The following FHIT variants were observed in gnomAD, a reference collection of about 807,000 sequenced individuals.
FHIT encodes bis(5'-adenosyl)-triphosphatase.
In FHIT, 19 loss-of-function variants were observed where a neutral mutation model predicts 17.9. The ratio of observed to expected loss-of-function variants is 1.06; its 90% CI spans 0.74 to 1.56. The LOEUF (loss-of-function observed/expected upper bound fraction) is 1.56, where lower values mean the gene tolerates loss of function less well. Among genes scored for constraint, FHIT ranks in the 40% most tolerant of loss-of-function variants. FHIT has a pLI of 0.00. For synonymous variants in FHIT, 81 were observed against 69.7 expected (o/e 1.16, Z -0.81); for missense variants, 248 against 189.2 (o/e 1.31, Z -1.82).
chr3:60,091,759 C>G (rs77992448), intron 5 of FHIT, among the ~76,000 whole-genome samples: 1 of 152,066 alleles, frequency 6.6e-6, no homozygotes, highest in East Asian at 1.9e-4. Context: ...TCCCACCTTG[C>G]CTTTCTTCTC....
intron 5 of FHIT, among the ~76,000 whole-genome samples, chr3:60,106,716 T>C (rs531457534): frequency 6.6e-5 from 10 of 152,300 alleles, no homozygotes; most frequent in Admixed American, 6.5e-5. Flanking sequence ...GTGCATGTAG[T>C]GTACGCCCAT....
intron 2 of FHIT, among the ~76,000 whole-genome samples, chr3:61,191,027 C>T (rs902885134): frequency 2.0e-5 from 3 of 151,770 alleles, no homozygotes; most frequent in Non-Finnish European, 4.4e-5. Context: ...CACATGTATA[C>T]ATATGTAACA....
At chr3:60,449,643 C>T (rs1359187168) in intron 5 of FHIT, among the ~76,000 whole-genome samples, 1 of 151,988 alleles carries the variant, frequency 6.6e-6, no homozygotes, top group Admixed American at 6.6e-5. Flanking sequence ...GTACTGAATA[C>T]TGTAGGTAAT....
At chr3:59,995,167 C>T (rs750450031) in intron 7 of FHIT, among the ~76,000 whole-genome samples, 2 of 151,416 alleles carry the variant, frequency 1.3e-5, no homozygotes, top group South Asian at 2.1e-4. Flanking sequence ...CTGCTGCAAC[C>T]GGAAATTACA....
intron 5 of FHIT, among the ~76,000 whole-genome samples, chr3:60,340,132 T>C (rs1710443268): frequency 6.6e-6 from 1 of 152,238 alleles, no homozygotes; most frequent in South Asian, 2.1e-4. Context: ...ATTAAGGCAA[T>C]AAAGGACTTA....
intron 5 of FHIT, chr3:60,536,516 C>T (rs2035986002): frequency 4.9e-6 from 1 of 202,386 alleles, no homozygotes; most frequent in African/African-American, 2.3e-5. Context: ...AGCTGAAAAC[C>T]AAGTGCCCGT....
chr3:60,187,671 A>T (rs1702214798), intron 5 of FHIT, among the ~76,000 whole-genome samples: 2 of 152,174 alleles, frequency 1.3e-5, no homozygotes, highest in African/African-American at 4.8e-5. Context: ...ATTTCAATAA[A>T]CAGATTTATT....
At chr3:61,089,769 T>C (rs914352979) in intron 2 of FHIT, among the ~76,000 whole-genome samples, 1 of 152,086 alleles carries the variant, frequency 6.6e-6, no homozygotes. Flanking sequence ...TATCCCCCCA[T>C]AACCAAAGAG....
chr3:59,970,267 A>T (rs1394977748), intron 7 of FHIT, among the ~76,000 whole-genome samples: 3 of 152,158 alleles, frequency 2.0e-5, no homozygotes, highest in South Asian at 2.1e-4. Context: ...AGAGCACAAG[A>T]CACTATTCTT....
chr3:60,059,678 C>G (rs367833776), intron 5 of FHIT, among the ~76,000 whole-genome samples: 1 of 152,108 alleles, frequency 6.6e-6, no homozygotes, highest in South Asian at 2.1e-4. Context: ...AGGCCCATAT[C>G]GATTAGCCGC....
At chr3:61,130,655 A>T (rs1265171949) in intron 2 of FHIT, among the ~76,000 whole-genome samples, 1 of 152,268 alleles carries the variant, frequency 6.6e-6, no homozygotes, top group Non-Finnish European at 1.5e-5. Flanking sequence ...ACACAGGAGC[A>T]TGCCACACAC....
chr3:60,237,298 G>A (rs1704852485), intron 5 of FHIT, among the ~76,000 whole-genome samples: 1 of 125,474 alleles, frequency 8.0e-6, no homozygotes, highest in African/African-American at 3.2e-5. Flanking sequence ...TCTGATGATA[G>A]CACCTATTTC....
intron 3 of FHIT, among the ~76,000 whole-genome samples, chr3:60,969,479 A>C (rs966724894): frequency 6.6e-6 from 1 of 152,098 alleles, no homozygotes; most frequent in Non-Finnish European, 1.5e-5. Flanking sequence ...CTAAGAATTT[A>C]AGGCTATAAA....
chr3:60,862,765 T>C (rs1553752955), intron 3 of FHIT, among the ~76,000 whole-genome samples: 4 of 151,726 alleles, frequency 2.6e-5, no homozygotes, highest in Admixed American at 6.6e-5. Context: ...GGCAGCAGAA[T>C]TGCTTGAACC....
At chr3:60,336,959 C>G (rs1375176181) in intron 5 of FHIT, among the ~76,000 whole-genome samples, 1 of 150,780 alleles carries the variant, frequency 6.6e-6, no homozygotes, top group Non-Finnish European at 1.5e-5. Flanking sequence ...AAGATGTAGA[C>G]AGAGAGAAAA....
chr3:60,981,102 C>A (rs533365244), intron 3 of FHIT, among the ~76,000 whole-genome samples: 4 of 152,270 alleles, frequency 2.6e-5, no homozygotes, highest in African/African-American at 9.6e-5. Flanking sequence ...TGCAAGGCAG[C>A]AGCAGCCCTG....
intron 2 of FHIT, chr3:61,165,832 A>T (rs1576134934): frequency 6.6e-6 from 1 of 151,658 alleles, no homozygotes; most frequent in Admixed American, 6.6e-5. Flanking sequence ...TGAGACTCTG[A>T]AAAAAAAAGA....
chr3:60,532,141 G>C (rs934373026), intron 5 of FHIT, among the ~76,000 whole-genome samples: 1 of 152,122 alleles, frequency 6.6e-6, no homozygotes, highest in Non-Finnish European at 1.5e-5. Flanking sequence ...CGTATGATTT[G>C]TAGAATACAG....
At chr3:59,854,037 AAAAC>A (rs764742920) in intron 8 of FHIT, among the ~76,000 whole-genome samples, 7 of 152,210 alleles carry the variant, frequency 4.6e-5, no homozygotes, top group African/African-American at 7.2e-5. Context: ...AAAAAAAACA[AAAAC>A]AAACAAAAAA....
Sources: allele counts gnomAD v4.1 joint callset (sites outside exome capture counted in the v4.1 genomes callset), GRCh38; gene constraint gnomAD v4.1.1; transcripts MANE v1.5; gene names NCBI Gene and HGNC (gene_info 2026-07-23, HGNC 2026-07-21).